The following FHIP1A variants were observed in gnomAD, a reference collection of about 807,000 sequenced individuals.
FHIP1A encodes FHF complex subunit HOOK-interacting protein 1A.
A neutral mutation model predicts 88.6 loss-of-function variants in FHIP1A; 61 were observed. That is an observed-to-expected ratio of 0.69 (90% CI 0.56 to 0.85). FHIP1A has a LOEUF of 0.85. FHIP1A is among the 40% of genes least tolerant of loss of function. The pLI is 0.00. For synonymous variants in FHIP1A, 478 were observed against 496.0 expected (o/e 0.96, Z 0.48); for missense variants, 1,154 against 1,273.5 (o/e 0.91, Z 1.43).
At chr4:151,591,204 G>T (rs1429585720) in intron 7 of FHIP1A, among the ~76,000 whole-genome samples, 1 of 152,026 alleles carries the variant, frequency 6.6e-6, no homozygotes, top group African/African-American at 2.4e-5. Flanking sequence ...ATGAAGAAAG[G>T]AGCCATTTCA....
intron 2 of FHIP1A, among the ~76,000 whole-genome samples, 200 bp from the exon 3 acceptor site, chr4:151,482,324 A>G (rs1435442757): frequency 1.3e-5 from 2 of 151,900 alleles, no homozygotes; most frequent in Non-Finnish European, 2.9e-5. Flanking sequence ...GGAGTTTCTC[A>G]TTTTTGGCTA....
In FHIP1A at chr4:151,662,896, G is replaced by A. The variant is rs1314198848; in HGVS notation, c.*142G>A. On this transcript the variant is annotated 3_prime_UTR_variant, in exon 14 of 14. Transcript: ENST00000435205. ...TGATTTGTGGGGAGGGGAATTTTCT[G>A]TATCTTTCCTCTCTCTCTCTAGCCG... 5 of 788,690 alleles carry A rather than the reference G, an allele frequency of 6.3e-6. No individual in the cohort carries two copies. The highest frequency in any genetic ancestry group is 9.4e-6 in the Non-Finnish European group (5 of 533,728). The allele number at this position is 788,690 out of a possible 1,614,324, so 48.9% of individuals were successfully genotyped here.
chr4:151,486,568 C>T (rs1204271137), intron 3 of FHIP1A, among the ~76,000 whole-genome samples: 1 of 152,122 alleles, frequency 6.6e-6, no homozygotes, highest in Non-Finnish European at 1.5e-5. Context: ...TTAAATGGCT[C>T]TTTGGGTTTA....
At chr4:151,555,515 T>A (rs1732914785) in intron 3 of FHIP1A, among the ~76,000 whole-genome samples, 1 of 152,228 alleles carries the variant, frequency 6.6e-6, no homozygotes, top group African/African-American at 2.4e-5. Context: ...TGTACTTTTT[T>A]ATTTTACTTT....
In FHIP1A at chr4:151,409,941, C is replaced by G. The variant is rs1023900706; in HGVS notation, c.-356+476C>G. ...AGCCCTTTCCTGGTGTAAGGACTTA[C>G]TGGTTAGGTAGCTGTTGCTCAATTT... On this transcript the variant is annotated intron_variant, in intron 1 of 13. Transcript: ENST00000435205. Among the ~76,000 whole-genome samples the G allele has an allele frequency of 2.6e-5, 4 of 152,164 alleles. No individual in the cohort carries two copies. In the East Asian group the frequency reaches 7.7e-4, roughly 29 times the overall value.
rs888919911 is a variant in FHIP1A, at chr4:151,663,918, C to A, written c.*1164C>A. Among the ~76,000 whole-genome samples, 16 of 152,184 alleles carry A rather than the reference C, an allele frequency of 1.1e-4. No homozygotes were observed. The highest frequency in any genetic ancestry group is 2.1e-4 in the Non-Finnish European group (14 of 68,028). On this transcript the variant is annotated 3_prime_UTR_variant, in exon 14 of 14. Coordinates refer to ENST00000435205, the MANE Select transcript of FHIP1A (RefSeq NM_001109977.3). ...AATGGGGTTCATTAGAAGGCCCCAA[C>A]GTGCTGTATGAGCGTCCCTCTGCTG...
At chr4:151,627,637 C>G (rs1293806559) in intron 7 of FHIP1A, among the ~76,000 whole-genome samples, 1 of 152,100 alleles carries the variant, frequency 6.6e-6, no homozygotes, top group Admixed American at 6.5e-5. Context: ...GCTAAAGGAT[C>G]CCAAGTTTGC....
At chr4:151,608,528 A>G (rs1272458597) in intron 7 of FHIP1A, among the ~76,000 whole-genome samples, 1 of 152,164 alleles carries the variant, frequency 6.6e-6, no homozygotes, top group Non-Finnish European at 1.5e-5. Flanking sequence ...TTTAATAGGT[A>G]GGGTTGAGGC....
chr4:151,527,155 T>G (rs970398003), intron 3 of FHIP1A, among the ~76,000 whole-genome samples: 7 of 152,100 alleles, frequency 4.6e-5, no homozygotes, highest in African/African-American at 1.4e-4. Flanking sequence ...CTCGGCACCC[T>G]GGGAGGCCAA....
At chr4:151,450,733 A>G (rs952175576) in intron 1 of FHIP1A, among the ~76,000 whole-genome samples, 11 of 152,098 alleles carry the variant, frequency 7.2e-5, no homozygotes, top group Admixed American at 1.3e-4. Context: ...ATGAATGACA[A>G]ATGTTTCAGT....
At chr4:151,529,514 G>A (rs376680593) in intron 3 of FHIP1A, among the ~76,000 whole-genome samples, 1 of 152,192 alleles carries the variant, frequency 6.6e-6, no homozygotes, top group African/African-American at 2.4e-5. Context: ...CCAGCCTAGG[G>A]ATTGTTTGCT....
At chr4:151,543,517 A>G (rs1732375424) in intron 3 of FHIP1A, among the ~76,000 whole-genome samples, 1 of 152,248 alleles carries the variant, frequency 6.6e-6, no homozygotes, top group African/African-American at 2.4e-5. Flanking sequence ...ACACCAAAGA[A>G]TAGCATACAA....
chr4:151,594,419 T>C (rs1284941761), intron 7 of FHIP1A, among the ~76,000 whole-genome samples: 1 of 152,162 alleles, frequency 6.6e-6, no homozygotes, highest in Admixed American at 6.5e-5. Context: ...TATTGGTCTG[T>C]TCAGGGATTT....
rs992152413 is a variant in FHIP1A, at chr4:151,667,529, T to G, written c.*4775T>G. 5.9e-5 allele frequency among the ~76,000 whole-genome samples: 9 copies of G among 152,346 alleles called. No homozygotes were observed. The highest frequency in any genetic ancestry group is 5.2e-4 in the Admixed American group (8 of 15,300). On this transcript the variant is annotated 3_prime_UTR_variant, in exon 14 of 14. Transcript: ENST00000435205. ...GCATTTATTAGGCCATTACTTGTTT[T>G]GGGACTACAGATTATCCTGGCAGCT...
chr4:151,534,658 A>G (rs1371699300), intron 3 of FHIP1A: 1 of 152,206 alleles, frequency 6.6e-6, no homozygotes, highest in Non-Finnish European at 1.5e-5. Context: ...ATTATAGTGT[A>G]TTTATCTGCT....
chr4:151,473,789 C>T (rs1052280537), intron 2 of FHIP1A, among the ~76,000 whole-genome samples: 13 of 152,186 alleles, frequency 8.5e-5, no homozygotes, highest in African/African-American at 3.1e-4. Flanking sequence ...GGTATGAAAG[C>T]TTATATTTGT....
chr4:151,523,114 TCATTTGGACCA>T (rs1731505612), intron 3 of FHIP1A, among the ~76,000 whole-genome samples: 1 of 152,200 alleles, frequency 6.6e-6, no homozygotes. Flanking sequence ...AGGGGGGCTG[TCATTTGGACCA>T]CATGGATCTG....
chr4:151,630,288 G>A (rs1378112037), intron 8 of FHIP1A, among the ~76,000 whole-genome samples: 1 of 152,158 alleles, frequency 6.6e-6, no homozygotes, highest in African/African-American at 2.4e-5. Context: ...TCTTGAAATG[G>A]AAGTTTGGAA....
intron 2 of FHIP1A, among the ~76,000 whole-genome samples, chr4:151,467,703 A>G (rs1580600837): frequency 6.6e-6 from 1 of 152,148 alleles, no homozygotes; most frequent in Non-Finnish European, 1.5e-5. Context: ...GCTGGAAGCC[A>G]TCATCCTCAG....
Sources: allele counts gnomAD v4.1 joint callset (sites outside exome capture counted in the v4.1 genomes callset), GRCh38; gene constraint gnomAD v4.1.1; transcripts MANE v1.5; gene names NCBI Gene and HGNC (gene_info 2026-07-23, HGNC 2026-07-21).